Variants in SMPD4 observed in about 807,000 individuals in gnomAD.
SMPD4 encodes the protein sphingomyelin phosphodiesterase 4, also known as neutral sphingomyelinase 3.
In SMPD4, 58 loss-of-function variants were observed where a neutral mutation model predicts 97.8. That is an observed-to-expected ratio of 0.59 (90% CI 0.48 to 0.74). SMPD4 has a LOEUF of 0.74. Ranked by LOEUF, SMPD4 falls within the 30% of genes least tolerant of loss-of-function variation. The probability of loss-of-function intolerance (pLI) is 0.00; values close to 1 mark genes in which losing one functional copy is unlikely to be tolerated. For missense variants in SMPD4, 853 were observed against 1,080.5 expected (o/e 0.79, Z 2.95); for synonymous variants, 388 against 450.0 (o/e 0.86, Z 1.74).
chr2:130,163,077 C>T (rs1687581135), intron 10 of SMPD4, among the ~76,000 whole-genome samples: 1 of 152,230 alleles, frequency 6.6e-6, no homozygotes, highest in African/African-American at 2.4e-5. Flanking sequence ...TGCTTCCACT[C>T]CCTCAGAAGG....
At chr2:130,155,411 G>A in intron 14 of SMPD4, 152 bp from the exon 15 acceptor site, 1 of 1,031,406 alleles carries the variant, frequency 9.7e-7, no homozygotes, top group Non-Finnish European at 1.4e-6. Context: ...AGCTCAGGGG[G>A]CCACGGGCAG....
rs199983898 is a variant in SMPD4 at position 130,178,954 on chromosome 2, A to C, written c.-45-2317T>G. ...CACTGGTGGGCTAGTTACAGTTTTCATGGCCCAGCTCTGCCCACTGCACAA... is the reference window on the plus strand; with the variant it reads ...CACTGGTGGGCTAGTTACAGTTTTCCTGGCCCAGCTCTGCCCACTGCACAA... On this transcript the variant is annotated intron_variant, in intron 1 of 19. Coordinates refer to ENST00000680298, the MANE Select transcript of SMPD4 (RefSeq NM_017951.5). 3.9e-5 allele frequency among the ~76,000 whole-genome samples: 6 copies of C among 152,256 alleles called. No individual in the cohort carries two copies. In the South Asian group the frequency reaches 6.2e-4, roughly 16 times the overall value.
At chr2:130,167,661 A>C (rs1156310792) in intron 8 of SMPD4, 71 bp from the exon 9 acceptor site, 5 of 1,498,924 alleles carry the variant, frequency 3.3e-6, no homozygotes, top group Non-Finnish European at 4.5e-6. Flanking sequence ...TAACAGGGGC[A>C]ATCTGGATAT....
intron 1 of SMPD4, chr2:130,181,226 C>A (rs1689578771): frequency 8.0e-7 from 1 of 1,248,716 alleles, no homozygotes; most frequent in Non-Finnish European, 1.0e-6. Flanking sequence ...GAGCCCAAGG[C>A]TCAACTTCAA....
chr2:130,162,909 G>C (rs566681948), intron 10 of SMPD4, among the ~76,000 whole-genome samples: 1 of 152,320 alleles, frequency 6.6e-6, no homozygotes, highest in Admixed American at 6.5e-5. Flanking sequence ...CCCACCCCAA[G>C]GTCTGGCCAA....
chr2:130,157,650 G>C, intron 11 of SMPD4: 2 of 683,050 alleles, frequency 2.9e-6, no homozygotes, highest in East Asian at 3.1e-5. Flanking sequence ...CACAGCCCTG[G>C]GGAGGCCTCA....
chr2:130,173,425 T>C, intron 4 of SMPD4, 71 bp from the exon 5 acceptor site: 2 of 1,597,640 alleles, frequency 1.3e-6, no homozygotes, highest in Non-Finnish European at 1.7e-6. Context: ...TTTGATTGTT[T>C]CTTAATCTTG....
At chr2:130,173,070 G>A (rs537094505) in intron 5 of SMPD4, among the ~76,000 whole-genome samples, 175 bp from the exon 6 acceptor site, 1 of 152,330 alleles carries the variant, frequency 6.6e-6, no homozygotes, top group Non-Finnish European at 1.5e-5. Flanking sequence ...AAGAGTCTTT[G>A]CTTAGAACTT....
intron 9 of SMPD4, among the ~76,000 whole-genome samples, chr2:130,165,388 T>TG (rs1687834678): frequency 1.4e-5 from 2 of 147,842 alleles, no homozygotes; most frequent in South Asian, 4.2e-4. Flanking sequence ...ATCGTGCCAC[T>TG]CCACTCCAAC....
chr2:130,168,439 T>C (rs1688131395), intron 8 of SMPD4, among the ~76,000 whole-genome samples: 3 of 151,990 alleles, frequency 2.0e-5, no homozygotes, highest in South Asian at 2.1e-4. Context: ...TAAAATCAAT[T>C]TGAAAAAATA....
chr2:130,168,964 G>A (rs1241673757), intron 8 of SMPD4, among the ~76,000 whole-genome samples: 10 of 152,040 alleles, frequency 6.6e-5, no homozygotes, highest in Admixed American at 2.6e-4. Context: ...CCAGTGATCC[G>A]CCCACCTCAG....
In SMPD4 at chr2:130,152,046, C is replaced by G. The variant is rs1686291423; in HGVS notation, c.*509G>C. ...ACAGTGAAGAATCAGGACAGCCACT[C>G]TCTGGTTTTCTCACAACTCTAGAAA... is the stretch of plus-strand genomic sequence containing the variant. On this transcript the variant is annotated 3_prime_UTR_variant, in exon 20 of 20. Coordinates refer to ENST00000680298, the MANE Select transcript of SMPD4 (RefSeq NM_017951.5). 1 of 154,438 alleles carries G rather than the reference C, an allele frequency of 6.5e-6. No individual in the cohort carries two copies. The highest frequency in any genetic ancestry group is 2.1e-4 in the South Asian group (1 of 4,872). The allele number at this position is 154,438 out of a possible 1,614,324, so 9.6% of individuals were successfully genotyped here. A position where few individuals can be genotyped will look rare whatever the true frequency, so the allele number is the denominator to read the frequency against.
chr2:130,174,958 G>C lies in SMPD4; in HGVS notation c.82C>G (p.Gln28Glu). The C allele has an allele frequency of 1.2e-6, 2 of 1,609,800 alleles. No individual in the cohort carries two copies. Among genetic ancestry groups the C allele is most frequent in the Non-Finnish European group, 1.7e-6 (2 of 1,176,410 alleles). The change falls in exon 3 of 20, where the codon CAG becomes GAG. Residue 28 changes from glutamine (Q) to glutamate (E), a missense_variant. By Grantham distance (29) the Gln-to-Glu change is conservative. Around this residue, in one of 3 missense-constraint regions of SMPD4, gnomAD observed 313 missense variants for 402.2 expected, o/e 0.78. Transcript: ENST00000680298. ...ADSINKPFAQ[Q>E]CQDLVKVIED... Reference sequence around the variant, plus strand: ...ATGACTTTAACCAAGTCTTGGCACTGCTGTGCAAAGGGCTTATTTATAGAG... The same window carrying C: ...ATGACTTTAACCAAGTCTTGGCACTCCTGTGCAAAGGGCTTATTTATAGAG...
chr2:130,176,801 C>T (rs900063462), intron 1 of SMPD4, among the ~76,000 whole-genome samples, 164 bp from the exon 2 acceptor site: 5 of 152,156 alleles, frequency 3.3e-5, no homozygotes, highest in Admixed American at 6.5e-5. Flanking sequence ...AATCCTCCCA[C>T]GTCAGTCTCC....
chr2:130,181,627 G>A, upstream of SMPD4: 2 of 1,573,792 alleles, frequency 1.3e-6, no homozygotes, highest in Admixed American at 1.9e-5. Flanking sequence ...GCCACGCCCC[G>A]CGGCCGGGCG....
chr2:130,154,885 AC>A, intron 15 of SMPD4: 1 of 686,840 alleles, frequency 1.5e-6, no homozygotes, highest in Admixed American at 2.9e-5. Flanking sequence ...GCGATCCCCC[AC>A]CCAGTGCCTG....
At chr2:130,162,868 G>A (rs923614789) in intron 10 of SMPD4, among the ~76,000 whole-genome samples, 7 of 152,164 alleles carry the variant, frequency 4.6e-5, no homozygotes, top group African/African-American at 9.7e-5. Context: ...TACTTGGTCC[G>A]GCCACTGCAA....
At chr2:130,164,553 CATGTGCAGA>C in intron 9 of SMPD4, 108 bp from the exon 10 acceptor site, 1 of 881,606 alleles carries the variant, frequency 1.1e-6, no homozygotes, top group South Asian at 1.5e-5. Flanking sequence ...ACAGAATACC[CATGTGCAGA>C]ACAGTGAAGC....
intron 12 of SMPD4, chr2:130,156,935 C>T (rs1166775137): frequency 2.0e-6 from 2 of 1,015,830 alleles, no homozygotes; most frequent in African/African-American, 3.2e-5. Flanking sequence ...TACAAACAGC[C>T]CACTCTGCTG....
Sources: allele counts gnomAD v4.1 joint callset (sites outside exome capture counted in the v4.1 genomes callset), GRCh38; gene constraint gnomAD v4.1.1; regional missense constraint gnomAD v4.1.1; transcripts MANE v1.5; gene names NCBI Gene and HGNC (gene_info 2026-07-23, HGNC 2026-07-21).